The following TFAP2E variants were observed in gnomAD, a reference collection of about 807,000 sequenced individuals.
The protein encoded by TFAP2E is transcription factor AP-2 epsilon, also known as transcription factor AP-2-epsilon.
Under a neutral mutation model 37.9 loss-of-function variants are expected in TFAP2E, and 30 were observed. The observed-to-expected ratio is 0.79, with a 90% CI of 0.59 to 1.07. The LOEUF (loss-of-function observed/expected upper bound fraction) is 1.07. TFAP2E is among the 50% of genes least tolerant of loss of function. The probability of loss-of-function intolerance (pLI) is 0.00; values close to 1 mark genes in which losing one functional copy is unlikely to be tolerated. For synonymous variants in TFAP2E, 318 were observed against 295.8 expected (o/e 1.08, Z -0.77); for missense variants, 567 against 637.9 (o/e 0.89, Z 1.20).
In TFAP2E at chr1:35,590,921, C is replaced by T; in HGVS notation, c.1046+146C>T. The T allele has an allele frequency of 1.0e-6, 1 of 954,970 alleles. No individual in the cohort carries two copies. The highest frequency in any genetic ancestry group is 1.4e-6 in the Non-Finnish European group (1 of 720,162). The allele number at this position is 954,970 out of a possible 1,614,324, so 59.2% of individuals were successfully genotyped here. On this transcript the variant is annotated intron_variant, in intron 6 of 6. Coordinates refer to ENST00000373235, the MANE Select transcript of TFAP2E (RefSeq NM_178548.4). This position sits in a 1 kb window ranked among gnomAD's most constrained non-coding sequence, Gnocchi z 6.2. ...ACTGTGTACACGAGCAGTGGGCACA[C>T]ACACATACGTGCGCACCACTGTGTA...
chr1:35,589,843 C>A, intron 4 of TFAP2E, 87 bp from the exon 5 acceptor site: 1 of 1,397,186 alleles, frequency 7.2e-7, no homozygotes. Context: ...CTGGTGGAGG[C>A]AACAAGGCCC....
chr1:35,594,508 C>T lies in TFAP2E; in HGVS notation c.1161C>T (p.Ser387=), dbSNP rs774143975. 2 of 1,614,210 alleles carry T rather than the reference C, an allele frequency of 1.2e-6. No homozygotes were observed. The highest frequency in any genetic ancestry group is 2.2e-5 in the South Asian group (2 of 91,078). Residue 387 remains serine (S), a synonymous_variant, in exon 7 of 7, where the codon AGC becomes AGT. Coordinates refer to ENST00000373235, the MANE Select transcript of TFAP2E (RefSeq NM_178548.4). ...TACAGAGCTGCTTGACACACTTTAG[C>T]CTCATCACCCATGGCTTCGGTGGGC... ...PGVQSCLTHF[S]LITHGFGGPA...
chr1:35,577,747 G>T lies in TFAP2E; in HGVS notation c.562+2747G>T, dbSNP rs556544805. The T allele has an allele frequency of 1.2e-5, 3 of 252,336 alleles. No homozygotes were observed. The East Asian group carries it at 3.2e-4, about 27-fold the overall frequency. 15.6% of individuals were successfully genotyped at this position (252,336 alleles called of 1,614,324 possible). On this transcript the variant is annotated intron_variant, in intron 3 of 6. Coordinates refer to ENST00000373235, the MANE Select transcript of TFAP2E (RefSeq NM_178548.4). This position sits in a 1 kb window ranked among gnomAD's most constrained non-coding sequence, Gnocchi z 6.3. Reference sequence around the variant, plus strand: ...CAGGGCCCAGACCTGGGTTGGAAAAGCTTCGCTGACTGCAGGCAAGCGTCC... The same window carrying T: ...CAGGGCCCAGACCTGGGTTGGAAAATCTTCGCTGACTGCAGGCAAGCGTCC...
intron 3 of TFAP2E, 92 bp downstream of exon 3, chr1:35,575,092 T>C (rs1229643289): frequency 6.6e-7 from 1 of 1,523,606 alleles, no homozygotes; most frequent in African/African-American, 1.4e-5. Context: ...GCCTCCTGTG[T>C]GTCGCCAGGC....
intron 3 of TFAP2E, among the ~76,000 whole-genome samples, chr1:35,582,891 T>TTTTC (rs746723568): frequency 2.4e-4 from 36 of 151,874 alleles, no homozygotes; most frequent in Middle Eastern, 3.4e-3. Flanking sequence ...TTTATCATCA[T>TTTTC]TTTCTTTCTT....
At chr1:35,587,101 G>A (rs1649502983) in intron 3 of TFAP2E, among the ~76,000 whole-genome samples, 1 of 152,184 alleles carries the variant, frequency 6.6e-6, no homozygotes. Flanking sequence ...GGAGCACACA[G>A]CAGTGAGTGC....
intron 3 of TFAP2E, among the ~76,000 whole-genome samples, chr1:35,582,521 T>TTC: frequency 1.3e-5 from 2 of 151,744 alleles, no homozygotes; most frequent in Middle Eastern, 6.8e-3. Context: ...TTTTTTTTTT[T>TTC]TCATAGAAAC....
Position 35,588,828 on chromosome 1 carries a change from G to A in TFAP2E, c.785+276G>A, listed in dbSNP as rs752271055. ...AGAACTCATCCACACTGGTCAGGAC[G>A]AGACTGGGTCTGGGGAAGAGAGAGG... On this transcript the variant is annotated intron_variant, in intron 4 of 6. Coordinates refer to ENST00000373235, the MANE Select transcript of TFAP2E (RefSeq NM_178548.4). This position sits in a 1 kb window ranked among gnomAD's most constrained non-coding sequence, Gnocchi z 5.1. Among the ~76,000 whole-genome samples, 8 of 152,274 alleles carry A rather than the reference G, an allele frequency of 5.3e-5. No homozygotes were observed. The highest frequency in any genetic ancestry group is 4.1e-4 in the South Asian group (2 of 4,826).
Position 35,583,474 on chromosome 1 carries a change from C to G in TFAP2E, c.563-4856C>G, listed in dbSNP as rs558847559. On this transcript the variant is annotated intron_variant, in intron 3 of 6. Coordinates refer to ENST00000373235, the MANE Select transcript of TFAP2E (RefSeq NM_178548.4). ...GTTTTCTTCTAGAAAAAACTTGCAA[C>G]TTTAACAAGGCTTCTTGGAGAGTCT... 2.6e-5 allele frequency among the ~76,000 whole-genome samples: 4 copies of G among 152,208 alleles called. No individual in the cohort carries two copies. The South Asian group carries it at 8.3e-4, about 32-fold the overall frequency.
At chr1:35,592,373 G>T (rs1371261908) in intron 6 of TFAP2E, among the ~76,000 whole-genome samples, 2 of 151,812 alleles carry the variant, frequency 1.3e-5, no homozygotes, top group African/African-American at 4.8e-5. Flanking sequence ...ACCATAAACT[G>T]GGTAGCTTAT....
chr1:35,588,373 G>A lies in TFAP2E; in HGVS notation c.606G>A (p.Leu202=), dbSNP rs188592363. The A allele has an allele frequency of 1.0e-4, 169 of 1,613,478 alleles. No homozygotes were observed. Among genetic ancestry groups the A allele is most frequent in the Non-Finnish European group, 1.4e-4 (162 of 1,179,958 alleles). Residue 202 remains leucine, a synonymous_variant, in exon 4 of 7, where the codon TTG becomes TTA. Coordinates refer to ENST00000373235, the MANE Select transcript of TFAP2E (RefSeq NM_178548.4). The surrounding 1 kb of genome is among the most constrained non-coding windows in gnomAD (Gnocchi z 5.1). The stretch of plus-strand genomic sequence containing the variant: ...CCAGCAGCCTCTCAGCCCTCTCCTT[G>A]GCCAAAGACAGCCTGGTGGGCGGCA... ...SKASSLSALS[L]AKDSLVGGIT...
intron 3 of TFAP2E, among the ~76,000 whole-genome samples, chr1:35,580,411 C>T (rs1649315828): frequency 6.6e-6 from 1 of 152,072 alleles, no homozygotes; most frequent in Non-Finnish European, 1.5e-5. Context: ...CAGTGGTACC[C>T]TAAGTGTAGT....
chr1:35,590,650 G>C lies in TFAP2E; in HGVS notation c.921G>C (p.Leu307=). The part of the protein sequence containing the change: ...TSLVEGEAVH[L]ARDFGYVCET... ...TCCCCCCAGGAGAGGCCGTGCACCT[G>C]GCCCGAGACTTCGGTTACGTCTGTG... The change falls in exon 6 of 7, where the codon CTG becomes CTC. Residue 307 remains leucine, a synonymous_variant. Transcript: ENST00000373235. The surrounding 1 kb of genome is among the most constrained non-coding windows in gnomAD (Gnocchi z 6.2). 6.6e-7 allele frequency: 1 copy of C among 1,523,194 alleles called. No homozygotes were observed. Among genetic ancestry groups the C allele is most frequent in the Non-Finnish European group, 8.9e-7 (1 of 1,123,786 alleles). The allele number at this position is 1,523,194 out of a possible 1,614,324, so 94.4% of individuals were successfully genotyped here. A position where few individuals can be genotyped will look rare whatever the true frequency, so the allele number is the denominator to read the frequency against.
intron 3 of TFAP2E, among the ~76,000 whole-genome samples, chr1:35,581,751 T>C (rs751746672): frequency 6.6e-5 from 10 of 152,060 alleles, no homozygotes; most frequent in Admixed American, 1.3e-4. Flanking sequence ...TTTGTTTTTT[T>C]AGTAGAGACG....
chr1:35,591,226 C>T (rs1649663735), intron 6 of TFAP2E, among the ~76,000 whole-genome samples: 1 of 152,172 alleles, frequency 6.6e-6, no homozygotes, highest in South Asian at 2.1e-4. Context: ...GCTCCTGGAG[C>T]ACACATAGAC....
chr1:35,581,060 G>A (rs1229823457), intron 3 of TFAP2E, among the ~76,000 whole-genome samples: 1 of 152,168 alleles, frequency 6.6e-6, no homozygotes, highest in African/African-American at 2.4e-5. Context: ...CCACTGATCT[G>A]CTTTCTGTCC....
intron 6 of TFAP2E, among the ~76,000 whole-genome samples, chr1:35,592,297 AG>A (rs1056030548): frequency 6.6e-6 from 1 of 151,872 alleles, no homozygotes; most frequent in African/African-American, 2.4e-5. Context: ...AAAAAAAAAA[AG>A]GCGAAAGATT....
intron 3 of TFAP2E, among the ~76,000 whole-genome samples, chr1:35,584,981 C>G (rs1649446343): frequency 6.6e-6 from 1 of 152,166 alleles, no homozygotes; most frequent in South Asian, 2.1e-4. Flanking sequence ...CCCTGCCCTC[C>G]ACACACTCAT....
rs1339682608 is a variant in TFAP2E at position 35,594,501 on chromosome 1, A to G, written c.1154A>G (p.His385Arg). ...CCCGGAGTACAGAGCTGCTTGACAC[A>G]CTTTAGCCTCATCACCCATGGCTTC... is the stretch of plus-strand genomic sequence containing the variant. ...LEPGVQSCLT[H>R]FSLITHGFGG... The change falls in exon 7 of 7, where the codon CAC becomes CGC. Residue 385 changes from histidine (H) to arginine (R), a missense_variant. By Grantham distance (29) the His-to-Arg change is conservative. Around this residue, in one of 3 missense-constraint regions of TFAP2E, gnomAD observed 252 missense variants for 302.6 expected, o/e 0.83. Transcript: ENST00000373235. 6.2e-7 allele frequency: 1 copy of G among 1,613,974 alleles called. No individual in the cohort carries two copies. The highest frequency in any genetic ancestry group is 1.3e-5 in the African/African-American group (1 of 74,884).
Sources: allele counts gnomAD v4.1 joint callset (sites outside exome capture counted in the v4.1 genomes callset), GRCh38; gene constraint gnomAD v4.1.1; regional missense constraint gnomAD v4.1.1; non-coding constraint Gnocchi (gnomAD v3.1); transcripts MANE v1.5; gene names NCBI Gene and HGNC (gene_info 2026-07-23, HGNC 2026-07-21).